The following ZFHX4 variants were observed in gnomAD, a reference collection of about 807,000 sequenced individuals.
The protein encoded by ZFHX4 is zinc finger homeobox 4, also known as zinc finger homeobox protein 4.
In ZFHX4, 56 loss-of-function variants were observed where a neutral mutation model predicts 267.6. The ratio of observed to expected loss-of-function variants is 0.21; its 90% CI spans 0.17 to 0.26. The LOEUF (loss-of-function observed/expected upper bound fraction) is 0.26. Ranked by LOEUF, ZFHX4 falls within the 10% of genes least tolerant of loss-of-function variation. The pLI, the probability that ZFHX4 is intolerant of heterozygous loss-of-function variation, is 1.00. For missense variants in ZFHX4, 4,332 were observed against 4,420.0 expected, an observed-to-expected ratio of 0.98 and a Z score of 0.56; for synonymous variants, 1,778 against 1,665.6, an observed-to-expected ratio of 1.07 and a Z score of -1.64.
chr8:76,780,058 A>T (rs979545224), intron 4 of ZFHX4, among the ~76,000 whole-genome samples: 13 of 87,514 alleles, frequency 1.5e-4, no homozygotes, highest in Admixed American at 5.0e-4. Flanking sequence ...AAGTAAAATT[A>T]AAAAAAAAAA....
At chr8:76,751,272 T>C (rs751431126) in intron 3 of ZFHX4, among the ~76,000 whole-genome samples, 21 of 152,160 alleles carry the variant, frequency 1.4e-4, no homozygotes, top group Non-Finnish European at 2.6e-4. Context: ...ACCAAAGAAC[T>C]GAATTGTCTA....
Position 76,707,909 on chromosome 8 carries a change from A to T in ZFHX4, c.2954A>T (p.Glu985Val), listed in dbSNP as rs1398140814. Residue 985 changes from glutamate to valine, a missense_variant, in exon 3 of 11, where the codon GAG becomes GTG. Around this residue, in one of 7 missense-constraint regions of ZFHX4, gnomAD observed 1,371 missense variants for 1,423.1 expected, o/e 0.96. Transcript: ENST00000651372. ...AHIKEGGKSNEWRLKCIAIGN... is the reference protein window; with the variant it reads ...AHIKEGGKSNVWRLKCIAIGN... ...ATTAAAGAAGGGGGCAAAAGCAATG[A>T]GTGGAGGTTGAAGTGTATTGCCATT... 6.2e-7 allele frequency: 1 copy of T among 1,614,078 alleles called. No individual in the cohort carries two copies. Among genetic ancestry groups the T allele is most frequent in the East Asian group, 2.2e-5 (1 of 44,880 alleles).
At chr8:76,724,375 A>T (rs545112522) in intron 3 of ZFHX4, among the ~76,000 whole-genome samples, 1 of 152,066 alleles carries the variant, frequency 6.6e-6, no homozygotes, top group South Asian at 2.1e-4. Flanking sequence ...CTCCTACGAC[A>T]GGCTAGGATT....
chr8:76,799,767 A>G (rs965758832), intron 4 of ZFHX4, among the ~76,000 whole-genome samples: 4 of 152,142 alleles, frequency 2.6e-5, no homozygotes, highest in Admixed American at 2.6e-4. Flanking sequence ...AAATATTAAA[A>G]CACCACCTAG....
intron 1 of ZFHX4, among the ~76,000 whole-genome samples, chr8:76,685,744 A>C (rs1807676733): frequency 6.6e-6 from 1 of 152,190 alleles, no homozygotes; most frequent in Non-Finnish European, 1.5e-5. Flanking sequence ...GGAGTTTTCA[A>C]TTAGCAATAT....
chr8:76,789,943 ATACT>A (rs1386386291), intron 4 of ZFHX4, among the ~76,000 whole-genome samples: 14 of 152,112 alleles, frequency 9.2e-5, no homozygotes, highest in African/African-American at 3.1e-4. Flanking sequence ...AAAATGTACA[ATACT>A]TGCTTGATTT....
intron 3 of ZFHX4, among the ~76,000 whole-genome samples, chr8:76,721,776 G>T (rs1338916094): frequency 6.6e-6 from 1 of 152,040 alleles, no homozygotes; most frequent in Non-Finnish European, 1.5e-5. Flanking sequence ...TCACATTGTT[G>T]AAAAATAATG....
chr8:76,799,957 G>A (rs745956755), intron 4 of ZFHX4, among the ~76,000 whole-genome samples: 15 of 152,156 alleles, frequency 9.9e-5, no homozygotes, highest in Non-Finnish European at 1.6e-4. Flanking sequence ...AAAGATTAGT[G>A]TGTTCTGTAA....
At chr8:76,768,458 G>A (rs1403539494) in intron 3 of ZFHX4, among the ~76,000 whole-genome samples, 1 of 152,158 alleles carries the variant, frequency 6.6e-6, no homozygotes, top group Non-Finnish European at 1.5e-5. Flanking sequence ...CCAGGAAGAA[G>A]TAAATAGGAG....
chr8:76,714,252 G>A (rs147502147), intron 3 of ZFHX4, among the ~76,000 whole-genome samples: 189 of 152,266 alleles, frequency 1.2e-3, no homozygotes, highest in African/African-American at 4.1e-3. Context: ...GTTCAAGTGG[G>A]TGTTGGGACG....
intron 1 of ZFHX4, among the ~76,000 whole-genome samples, chr8:76,690,940 G>A (rs1807808795): frequency 6.6e-6 from 1 of 152,038 alleles, no homozygotes; most frequent in Non-Finnish European, 1.5e-5. Context: ...AGCCTGGGAA[G>A]TGGCCTTACG....
intron 3 of ZFHX4, among the ~76,000 whole-genome samples, chr8:76,711,093 T>A (rs1585871341): frequency 6.6e-6 from 1 of 152,242 alleles, no homozygotes; most frequent in East Asian, 1.9e-4. Flanking sequence ...GCAGAATGTG[T>A]TGATGATCTT....
chr8:76,855,662 G>C lies in ZFHX4; in HGVS notation c.8741G>C (p.Gly2914Ala), dbSNP rs1225697248. The change falls in exon 10 of 11, where the codon GGA becomes GCA. Residue 2914 changes from glycine to alanine, a missense_variant. Physicochemically the swap from Gly to Ala is moderately conservative, Grantham distance 60. This residue lies in a region of ZFHX4 where 1,648 missense variants were observed against 1,625.0 expected (regional missense o/e 1.01). Coordinates refer to ENST00000651372, the MANE Select transcript of ZFHX4 (RefSeq NM_024721.5). The part of the protein sequence containing the change: ...IADPSSPNPF[G>A]SSNPFKSKSN... ...GACCCGAGCTCCCCAAATCCATTCGGATCCAGCAATCCCTTTAAATCCAAA... is the reference window on the plus strand; with the variant it reads ...GACCCGAGCTCCCCAAATCCATTCGCATCCAGCAATCCCTTTAAATCCAAA... 6.2e-7 allele frequency: 1 copy of C among 1,613,754 alleles called. No individual in the cohort carries two copies. Among genetic ancestry groups the C allele is most frequent in the Non-Finnish European group, 8.5e-7 (1 of 1,179,880 alleles).
In ZFHX4 at chr8:76,706,370, C is replaced by T; in HGVS notation, c.2282C>T (p.Pro761Leu). 11 of 1,614,068 alleles carry T rather than the reference C, an allele frequency of 6.8e-6. No individual in the cohort carries two copies. The highest frequency in any genetic ancestry group is 9.3e-6 in the Non-Finnish European group (11 of 1,179,962). ...SGCGTPSPSK[P>L]KQKPTWRCEV... is the part of the protein sequence containing the mutation. ...TGCGGAACACCCTCTCCGTCCAAAC[C>T]CAAACAGAAACCCACCTGGCGGTGT... Residue 761 changes from proline (P) to leucine (L), a missense_variant, in exon 2 of 11, where the codon CCC becomes CTC. Pro to Leu is a moderately conservative substitution (Grantham distance 98). Coordinates refer to ENST00000651372, the MANE Select transcript of ZFHX4 (RefSeq NM_024721.5).
intron 3 of ZFHX4, among the ~76,000 whole-genome samples, chr8:76,716,465 C>T (rs998886064): frequency 1.3e-5 from 2 of 152,146 alleles, no homozygotes; most frequent in Non-Finnish European, 2.9e-5. Context: ...CAGAGAAAAA[C>T]ACCTTGCTTG....
Position 76,706,646 on chromosome 8 carries a change from C to A in ZFHX4, c.2558C>A (p.Pro853Gln). Residue 853 changes from proline to glutamine, a missense_variant, in exon 2 of 11, where the codon CCA (proline) becomes CAA (glutamine). Coordinates refer to ENST00000651372, the MANE Select transcript of ZFHX4 (RefSeq NM_024721.5). ...ATGATCAATCCATTCCAGCTGGATC[C>A]AGCGACAGCAGCGGCTTTGGCACCA... ...QLMINPFQLD[P>Q]ATAAALAPGL... 6.3e-7 allele frequency: 1 copy of A among 1,596,832 alleles called. No homozygotes were observed. Among genetic ancestry groups the A allele is most frequent in the South Asian group, 1.1e-5 (1 of 87,448 alleles).
At chr8:76,843,473 A>C (rs934419271) in intron 6 of ZFHX4, among the ~76,000 whole-genome samples, 1 of 152,162 alleles carries the variant, frequency 6.6e-6, no homozygotes. Context: ...GTGCACAAAC[A>C]AACCCTAGGC....
intron 3 of ZFHX4, among the ~76,000 whole-genome samples, chr8:76,735,290 C>T (rs1451731704): frequency 6.6e-6 from 1 of 151,996 alleles, no homozygotes; most frequent in Non-Finnish European, 1.5e-5. Flanking sequence ...GTTTATTTTG[C>T]TTAGAAAATT....
At chr8:76,777,610 A>C (rs889917201) in intron 3 of ZFHX4, among the ~76,000 whole-genome samples, 5 of 152,212 alleles carry the variant, frequency 3.3e-5, no homozygotes, top group African/African-American at 4.8e-5. Flanking sequence ...GTAACAAAGT[A>C]ACCTCTATCA....
Sources: allele counts gnomAD v4.1 joint callset (sites outside exome capture counted in the v4.1 genomes callset), GRCh38; gene constraint gnomAD v4.1.1; regional missense constraint gnomAD v4.1.1; transcripts MANE v1.5; gene names NCBI Gene and HGNC (gene_info 2026-07-23, HGNC 2026-07-21).